The following SLIT3 variants were observed in gnomAD, a reference collection of about 807,000 sequenced individuals.
SLIT3 encodes slit guidance ligand 3, also known as slit homolog 3 protein.
Under a neutral mutation model 184.0 loss-of-function variants are expected in SLIT3, and 68 were observed. The observed-to-expected ratio is 0.37, with a 90% CI of 0.30 to 0.45. SLIT3 has a LOEUF of 0.45. Ranked by LOEUF, SLIT3 falls within the 20% of genes least tolerant of loss-of-function variation. The pLI is 1.00. For synonymous variants in SLIT3, 831 were observed against 828.6 expected (o/e 1.00, Z -0.05); for missense variants, 1,707 against 2,026.0 (o/e 0.84, Z 3.02).
chr5:168,742,964 T>TAA (rs201996573), intron 20 of SLIT3, among the ~76,000 whole-genome samples: 145 of 149,146 alleles, frequency 9.7e-4, no homozygotes, highest in Non-Finnish European at 1.8e-3. Context: ...CCATCTCTAC[T>TAA]AAAAAAAAAA....
At chr5:169,087,128 A>T (rs7709219) in intron 4 of SLIT3, among the ~76,000 whole-genome samples, 28,563 of 152,182 alleles carry the variant, frequency 0.19, 2,964 homozygotes, top group East Asian at 0.29. Context: ...TGTGTTTCAC[A>T]ACAAAGCAAA....
chr5:168,709,470 G>A (rs904798584), intron 25 of SLIT3, among the ~76,000 whole-genome samples: 3 of 152,204 alleles, frequency 2.0e-5, no homozygotes, highest in East Asian at 1.9e-4. Flanking sequence ...CCTAGAGGGT[G>A]GAGCCAGGCT....
chr5:169,002,900 A>G (rs1305631472), intron 4 of SLIT3, among the ~76,000 whole-genome samples: 1 of 152,182 alleles, frequency 6.6e-6, no homozygotes, highest in Non-Finnish European at 1.5e-5. Flanking sequence ...CAAACTTGGT[A>G]TATTAGTTAC....
intron 4 of SLIT3, among the ~76,000 whole-genome samples, chr5:169,014,823 T>A (rs1756301131): frequency 6.6e-6 from 1 of 152,170 alleles, no homozygotes; most frequent in African/African-American, 2.4e-5. Context: ...TGGTGGCACA[T>A]GCCTGTAGTC....
chr5:169,151,081 G>A (rs1762099594), intron 4 of SLIT3, among the ~76,000 whole-genome samples: 1 of 152,148 alleles, frequency 6.6e-6, no homozygotes, highest in African/African-American at 2.4e-5. Flanking sequence ...GGACCCAGGT[G>A]GCAGTTCAGG....
intron 14 of SLIT3, among the ~76,000 whole-genome samples, chr5:168,765,776 TA>T (rs538066247): frequency 6.6e-6 from 1 of 152,154 alleles, no homozygotes; most frequent in Admixed American, 6.5e-5. Flanking sequence ...AGAAGGGCCA[TA>T]AAACTCAACC....
intron 4 of SLIT3, among the ~76,000 whole-genome samples, chr5:168,961,643 C>T (rs1482550810): frequency 6.6e-6 from 1 of 152,108 alleles, no homozygotes; most frequent in Non-Finnish European, 1.5e-5. Flanking sequence ...ACCTTCTGTG[C>T]AGAGAGAATA....
At chr5:168,779,714 G>A (rs976569502) in intron 12 of SLIT3, among the ~76,000 whole-genome samples, 2 of 152,224 alleles carry the variant, frequency 1.3e-5, no homozygotes, top group African/African-American at 4.8e-5. Flanking sequence ...TGCCTGTGTC[G>A]GGATGAGGGA....
chr5:169,242,168 AC>A (rs1378198709), intron 3 of SLIT3, among the ~76,000 whole-genome samples: 1 of 152,168 alleles, frequency 6.6e-6, no homozygotes, highest in Non-Finnish European at 1.5e-5. Context: ...AATAACCAAA[AC>A]CAGATTAACG....
intron 4 of SLIT3, among the ~76,000 whole-genome samples, chr5:169,144,202 A>C (rs1169089600): frequency 1.3e-5 from 2 of 152,162 alleles, no homozygotes; most frequent in African/African-American, 4.8e-5. Flanking sequence ...CATTCTTTGA[A>C]GGTCACACTC....
rs569033960 is a variant in SLIT3 at position 168,705,689 on chromosome 5, A to C, written c.2844+2287T>G. Among the ~76,000 whole-genome samples, 26 of 152,298 alleles carry C rather than the reference A, an allele frequency of 1.7e-4. No individual in the cohort carries two copies. In the South Asian group the frequency reaches 4.6e-3, roughly 27 times the overall value. ...AGAATCTTGAGAACAAAGTTCAAAC[A>C]AGTGGCCTTATCCTGCAGTAGCTCT... On this transcript the variant is annotated intron_variant, in intron 26 of 35. Coordinates refer to ENST00000519560, the MANE Select transcript of SLIT3 (RefSeq NM_003062.4).
At chr5:169,254,946 G>A (rs1765897808) in intron 1 of SLIT3, among the ~76,000 whole-genome samples, 1 of 152,334 alleles carries the variant, frequency 6.6e-6, no homozygotes, top group Non-Finnish European at 1.5e-5. Context: ...AGATAATACA[G>A]TCATGTAACA....
chr5:168,969,632 A>T (rs183087757), intron 4 of SLIT3, among the ~76,000 whole-genome samples: 2 of 152,326 alleles, frequency 1.3e-5, no homozygotes, highest in East Asian at 3.9e-4. Flanking sequence ...TGGCTGATAA[A>T]CACATCTAGA....
chr5:168,954,896 A>T (rs1311191771), intron 4 of SLIT3, among the ~76,000 whole-genome samples: 1 of 152,236 alleles, frequency 6.6e-6, no homozygotes, highest in Non-Finnish European at 1.5e-5. Context: ...CTGGAGTTTT[A>T]ATGGTGAAAA....
chr5:168,991,234 T>C (rs879139619), intron 4 of SLIT3, among the ~76,000 whole-genome samples: 8 of 152,228 alleles, frequency 5.3e-5, no homozygotes, highest in Admixed American at 4.6e-4. Flanking sequence ...GATTGTCTCT[T>C]TTTTTGTCCT....
intron 4 of SLIT3, among the ~76,000 whole-genome samples, chr5:168,959,470 T>C (rs1038017211): frequency 8.5e-5 from 13 of 152,288 alleles, no homozygotes; most frequent in Non-Finnish European, 1.3e-4. Context: ...GGAGAGCCCA[T>C]TGTGCCTCAT....
chr5:169,297,538 G>GAGAACGGAGAAAATGC (rs1483384862), intron 1 of SLIT3, among the ~76,000 whole-genome samples: 9 of 152,178 alleles, frequency 5.9e-5, no homozygotes, highest in African/African-American at 2.2e-4. Context: ...ACCAAGAATG[G>GAGAACGGAGAAAATGC]AGAACGGAGA....
At chr5:169,092,644 T>C (rs977331592) in intron 4 of SLIT3, among the ~76,000 whole-genome samples, 3 of 152,158 alleles carry the variant, frequency 2.0e-5, no homozygotes, top group African/African-American at 4.8e-5. Flanking sequence ...TCAGCACGCA[T>C]AATTCTTGCA....
chr5:169,227,520 T>C (rs748817574), intron 3 of SLIT3, among the ~76,000 whole-genome samples: 30 of 152,180 alleles, frequency 2.0e-4, no homozygotes, highest in Non-Finnish European at 4.4e-4. Flanking sequence ...CTCCCCCTCC[T>C]GGGCTCAAGT....
Sources: gnomAD v4.1 joint callset for allele counts (sites outside exome capture counted in the v4.1 genomes callset) on GRCh38, gnomAD v4.1.1 for gene constraint, MANE v1.5 for transcripts, NCBI Gene and HGNC (gene_info 2026-07-23, HGNC 2026-07-21) for gene names.